Variants in PCDH9 observed in about 807,000 individuals in gnomAD.
The protein encoded by PCDH9 is protocadherin-9.
In PCDH9, 24 loss-of-function variants were observed where a neutral mutation model predicts 70.6. The ratio of observed to expected loss-of-function variants is 0.34; its 90% CI spans 0.25 to 0.48. The LOEUF (loss-of-function observed/expected upper bound fraction) is 0.48, where lower values mean the gene tolerates loss of function less well. PCDH9 is among the 20% of genes least tolerant of loss of function. PCDH9 has a pLI of 0.99. For missense variants in PCDH9, 1,281 were observed against 1,503.6 expected (o/e 0.85, Z 2.45); for synonymous variants, 562 against 558.5 (o/e 1.01, Z -0.09).
rs1465600921 is a variant in PCDH9 at position 66,830,150 on chromosome 13, A to G, written c.3138+73354T>C. On this transcript the variant is annotated intron_variant, in intron 3 of 4. Transcript: ENST00000377865. The stretch of plus-strand genomic sequence containing the variant: ...CAGTGGCTAGCAGCATTCCCATAAA[A>G]TATAATTTTAGTAATAGAAGTAGGA... 4.6e-5 allele frequency among the ~76,000 whole-genome samples: 7 copies of G among 152,298 alleles called. No individual in the cohort carries two copies. In the East Asian group the frequency reaches 1.3e-3, roughly 29 times the overall value.
chr13:66,484,800 T>C (rs1031640533), intron 4 of PCDH9, among the ~76,000 whole-genome samples: 3 of 152,200 alleles, frequency 2.0e-5, no homozygotes, highest in African/African-American at 7.2e-5. Flanking sequence ...GAGACTTTGT[T>C]TCCCTATCTG....
intron 4 of PCDH9, among the ~76,000 whole-genome samples, chr13:66,587,994 CT>C (rs2076985814): frequency 6.6e-6 from 1 of 152,082 alleles, no homozygotes; most frequent in Non-Finnish European, 1.5e-5. Context: ...CTCCCTCCCT[CT>C]TGCAGCTATC....
intron 2 of PCDH9, among the ~76,000 whole-genome samples, chr13:66,922,723 A>G (rs1374782015): frequency 6.6e-6 from 1 of 151,468 alleles, no homozygotes; most frequent in Non-Finnish European, 1.5e-5. Context: ...AGATAACTCT[A>G]ATTTGCTGCT....
At chr13:66,586,216 T>G (rs1043515389) in intron 4 of PCDH9, among the ~76,000 whole-genome samples, 9 of 152,060 alleles carry the variant, frequency 5.9e-5, no homozygotes, top group African/African-American at 2.2e-4. Flanking sequence ...AATGACAGAT[T>G]AATGACACAA....
At chr13:66,718,821 G>A (rs991193) in intron 3 of PCDH9, among the ~76,000 whole-genome samples, 148,724 of 152,284 alleles carry the variant, frequency 0.98, 72,727 homozygotes, top group East Asian at 1. Flanking sequence ...GAAAAGTTTT[G>A]ATATTTTCTT....
chr13:66,582,361 G>A (rs145638750), intron 4 of PCDH9, among the ~76,000 whole-genome samples: 57 of 152,146 alleles, frequency 3.7e-4, no homozygotes, highest in African/African-American at 1.2e-3. Context: ...AAACAATGTC[G>A]GGCATGGTGG....
At chr13:67,087,087 T>TAAAA in intron 2 of PCDH9, among the ~76,000 whole-genome samples, 1 of 123,762 alleles carries the variant, frequency 8.1e-6, no homozygotes, top group African/African-American at 3.0e-5. Context: ...TGATGTTTTG[T>TAAAA]AAAAAAAAAA....
At chr13:66,908,699 G>A (rs1203109431) in intron 2 of PCDH9, among the ~76,000 whole-genome samples, 1 of 152,028 alleles carries the variant, frequency 6.6e-6, no homozygotes, top group Non-Finnish European at 1.5e-5. Flanking sequence ...GCCCAAATAA[G>A]GAAACCTTGA....
chr13:67,141,753 T>TAA (rs34484513), intron 2 of PCDH9, among the ~76,000 whole-genome samples: 10 of 129,516 alleles, frequency 7.7e-5, no homozygotes, highest in Admixed American at 1.5e-4. Context: ...CCTTCTCTCT[T>TAA]AAAAAAAAAA....
intron 4 of PCDH9, among the ~76,000 whole-genome samples, chr13:66,451,442 A>T (rs1477667268): frequency 2.0e-5 from 3 of 152,176 alleles, no homozygotes; most frequent in African/African-American, 7.2e-5. Flanking sequence ...ATGAACCTAA[A>T]CATAAGAACA....
At chr13:66,970,283 T>A (rs1034341467) in intron 2 of PCDH9, among the ~76,000 whole-genome samples, 1 of 151,958 alleles carries the variant, frequency 6.6e-6, no homozygotes, top group African/African-American at 2.4e-5. Context: ...TATGTGGGTC[T>A]TCGTGCATAC....
rs183653885 is a variant in PCDH9, at chr13:66,730,932, C to T, written c.3139-99521G>A. On this transcript the variant is annotated intron_variant, in intron 3 of 4. Coordinates refer to ENST00000377865, the MANE Select transcript of PCDH9 (RefSeq NM_203487.3). The stretch of plus-strand genomic sequence containing the variant: ...GGAGACAGAGGTCTCACTATGCTGC[C>T]GAGGCTGTCTCAAACTTCTGGCTTT... Among the ~76,000 whole-genome samples the T allele has an allele frequency of 4.9e-4, 64 of 130,924 alleles. 1 individual carries two copies. In the East Asian group the frequency reaches 0.011, roughly 23 times the overall value. The allele number at this position is 130,924 out of a possible 152,430, so 85.9% of individuals were successfully genotyped here.
intron 2 of PCDH9, among the ~76,000 whole-genome samples, chr13:67,189,906 A>G (rs150028598): frequency 1.3e-5 from 2 of 152,174 alleles, no homozygotes; most frequent in Admixed American, 1.3e-4. Context: ...TTACTTATAT[A>G]AATACAAGTA....
intron 3 of PCDH9, among the ~76,000 whole-genome samples, chr13:66,638,316 A>C (rs2077666053): frequency 6.6e-6 from 1 of 152,208 alleles, no homozygotes; most frequent in South Asian, 2.1e-4. Context: ...ATGCAGACTT[A>C]GGCAAGGTCA....
chr13:66,510,386 G>A (rs1469753594), intron 4 of PCDH9, among the ~76,000 whole-genome samples: 2 of 151,566 alleles, frequency 1.3e-5, no homozygotes, highest in East Asian at 1.9e-4. Flanking sequence ...TATACTTTAA[G>A]TTCTAGGGTA....
At chr13:66,738,246 C>G (rs906543547) in intron 3 of PCDH9, among the ~76,000 whole-genome samples, 1 of 150,940 alleles carries the variant, frequency 6.6e-6, no homozygotes, top group African/African-American at 2.4e-5. Context: ...ACACCTCACA[C>G]GGCAGGGTAT....
intron 2 of PCDH9, among the ~76,000 whole-genome samples, chr13:67,194,076 A>C (rs558454951): frequency 2.6e-5 from 4 of 152,256 alleles, no homozygotes; most frequent in East Asian, 3.9e-4. Flanking sequence ...AAGCAAAAGC[A>C]GTTTTCAAAG....
chr13:67,095,161 A>C (rs1374818287), intron 2 of PCDH9, among the ~76,000 whole-genome samples: 1 of 152,020 alleles, frequency 6.6e-6, no homozygotes, highest in Non-Finnish European at 1.5e-5. Flanking sequence ...TAGTCTTTGG[A>C]TTGTGTGTTA....
chr13:66,358,973 C>T (rs1458464379), intron 4 of PCDH9, among the ~76,000 whole-genome samples: 3 of 151,932 alleles, frequency 2.0e-5, no homozygotes, highest in African/African-American at 7.2e-5. Context: ...AAAATAGTCA[C>T]AAATTTCAGG....
Sources: gnomAD v4.1 joint callset for allele counts (sites outside exome capture counted in the v4.1 genomes callset) on GRCh38, gnomAD v4.1.1 for gene constraint, MANE v1.5 for transcripts, NCBI Gene and HGNC (gene_info 2026-07-23, HGNC 2026-07-21) for gene names.